Variants in POFUT3 observed in about 807,000 individuals in gnomAD.
The protein encoded by POFUT3 is protein O-fucosyltransferase 3.
the POFUT3 span, among the ~76,000 whole-genome samples, chr8:33,379,993 A>ACTATATATAC: frequency 3.1e-4 from 22 of 71,366 alleles, 6 homozygotes; most frequent in African/African-American, 1.3e-3. Context: ...TATATATAGT[A>ACTATATATAC]TATATATATA....
At chr8:33,434,018 C>T in the POFUT3 span, among the ~76,000 whole-genome samples, 3 of 148,418 alleles carry the variant, frequency 2.0e-5, no homozygotes, top group South Asian at 6.4e-4. Flanking sequence ...AATCCCAGCA[C>T]TTTGGGAGGC....
At chr8:33,392,409 C>T in the POFUT3 span, among the ~76,000 whole-genome samples, 41 of 151,646 alleles carry the variant, frequency 2.7e-4, no homozygotes, top group African/African-American at 9.0e-4. Flanking sequence ...AACCCCATCT[C>T]TACTAAAAAT....
chr8:33,447,610 TA>T, the POFUT3 span, among the ~76,000 whole-genome samples: 1 of 152,170 alleles, frequency 6.6e-6, no homozygotes, highest in African/African-American at 2.4e-5. Context: ...TTTCACTGCT[TA>T]AAGTCTTTAA....
chr8:33,314,209 C>T, the POFUT3 span, among the ~76,000 whole-genome samples: 3 of 152,162 alleles, frequency 2.0e-5, no homozygotes, highest in African/African-American at 7.2e-5. Flanking sequence ...CCACTGTTTC[C>T]GAGAGAGAAC....
At chr8:33,389,125 A>G in the POFUT3 span, 37 of 1,614,088 alleles carry the variant, frequency 2.3e-5, no homozygotes, top group Non-Finnish European at 3.0e-5. Context: ...TCCATTCTAC[A>G]TAGGCCTCAT....
chr8:33,311,107 A>C, the POFUT3 span, among the ~76,000 whole-genome samples: 1 of 152,220 alleles, frequency 6.6e-6, no homozygotes, highest in South Asian at 2.1e-4. Context: ...TCTTTGCAGA[A>C]ACCTCAAGCA....
chr8:33,436,445 TGATG>T, the POFUT3 span: 1 of 1,441,000 alleles, frequency 6.9e-7, no homozygotes, highest in South Asian at 1.1e-5. Flanking sequence ...CAGGTGGGAC[TGATG>T]TTGCCCACAT....
At chr8:33,312,738 C>T in the POFUT3 span, among the ~76,000 whole-genome samples, 1 of 152,122 alleles carries the variant, frequency 6.6e-6, no homozygotes, top group African/African-American at 2.4e-5. Flanking sequence ...CAGAGCCATA[C>T]CTTTTATCAA....
At chr8:33,349,889 C>T in the POFUT3 span, among the ~76,000 whole-genome samples, 4 of 152,198 alleles carry the variant, frequency 2.6e-5, no homozygotes, top group Admixed American at 2.6e-4. Context: ...TACTAGTTTA[C>T]ATTCCCACCA....
the POFUT3 span, among the ~76,000 whole-genome samples, chr8:33,340,775 G>A: frequency 2.6e-5 from 4 of 152,036 alleles, no homozygotes; most frequent in African/African-American, 7.2e-5. Flanking sequence ...AAACAACAGA[G>A]CTACAAAACA....
the POFUT3 span, among the ~76,000 whole-genome samples, chr8:33,449,916 G>A: frequency 6.7e-6 from 1 of 149,622 alleles, no homozygotes; most frequent in African/African-American, 2.5e-5. Flanking sequence ...CTTTTTAAAG[G>A]AGGGGTTATG....
chr8:33,417,887 G>A, the POFUT3 span, among the ~76,000 whole-genome samples: 3 of 152,268 alleles, frequency 2.0e-5, no homozygotes, highest in African/African-American at 7.2e-5. Flanking sequence ...TGCAAGGAAG[G>A]AGTTGCGGAG....
At chr8:33,352,873 C>T in the POFUT3 span, among the ~76,000 whole-genome samples, 1 of 152,230 alleles carries the variant, frequency 6.6e-6, no homozygotes, top group Non-Finnish European at 1.5e-5. Context: ...TCCTCCTCTA[C>T]AACAGACATC....
the POFUT3 span, chr8:33,460,625 A>G: frequency 1.9e-6 from 1 of 514,962 alleles, no homozygotes; most frequent in Non-Finnish European, 2.5e-6. Context: ...ATTCTGAGGA[A>G]GCCATCCAAT....
At chr8:33,379,056 A>AAG in the POFUT3 span, among the ~76,000 whole-genome samples, 101 of 151,990 alleles carry the variant, frequency 6.6e-4, no homozygotes, top group East Asian at 0.017. Flanking sequence ...GATGGTTTAA[A>AAG]TGTGTGGCAT....
chr8:33,327,405 A>T, the POFUT3 span, among the ~76,000 whole-genome samples: 1 of 152,098 alleles, frequency 6.6e-6, no homozygotes, highest in East Asian at 1.9e-4. Flanking sequence ...TCTTTAAAGG[A>T]ATATATCTTC....
At chr8:33,472,712 G>A in the POFUT3 span, among the ~76,000 whole-genome samples, 2 of 152,202 alleles carry the variant, frequency 1.3e-5, no homozygotes, top group African/African-American at 4.8e-5. Context: ...GAGGCCGATC[G>A]GGGCAGGCGG....
the POFUT3 span, among the ~76,000 whole-genome samples, chr8:33,423,027 G>A: frequency 1.3e-5 from 2 of 152,218 alleles, no homozygotes; most frequent in East Asian, 3.9e-4. Flanking sequence ...AAGTTGCCCA[G>A]GCTGGTCTTG....
chr8:33,419,450 A>G, the POFUT3 span, among the ~76,000 whole-genome samples: 1 of 152,200 alleles, frequency 6.6e-6, no homozygotes, highest in Non-Finnish European at 1.5e-5. Context: ...TGTGCATGAC[A>G]ATAGGGTTCA....
Sources: allele counts gnomAD v4.1 joint callset (sites outside exome capture counted in the v4.1 genomes callset), GRCh38; gene constraint gnomAD v4.1.1; transcripts MANE v1.5; gene names NCBI Gene and HGNC (gene_info 2026-07-23, HGNC 2026-07-21).